Variants in PCDHA6 observed in about 807,000 individuals in gnomAD.
PCDHA6 encodes protocadherin alpha-6.
In PCDHA6, 55 loss-of-function variants were observed where a neutral mutation model predicts 60.3. The ratio of observed to expected loss-of-function variants is 0.91; its 90% confidence interval spans 0.73 to 1.14. The LOEUF (loss-of-function observed/expected upper bound fraction) is 1.14, where lower values mean the gene tolerates loss of function less well. Ranked by LOEUF, PCDHA6 falls within the 50% of genes most tolerant of loss-of-function variation. PCDHA6 has a pLI of 0.00. For synonymous variants in PCDHA6, 652 were observed against 557.9 expected, an observed-to-expected ratio of 1.17 and a Z score of -2.38; for missense variants, 1,327 against 1,256.5, an observed-to-expected ratio of 1.06 and a Z score of -0.85.
intron 1 of PCDHA6, among the ~76,000 whole-genome samples, chr5:140,837,617 C>A (rs1249058339): frequency 6.8e-6 from 1 of 146,230 alleles, no homozygotes; most frequent in Non-Finnish European, 1.5e-5. Flanking sequence ...TAATTTGCCC[C>A]TTCCTTCCTT....
chr5:140,941,202 C>CTTTCTTTCTTT (rs1554213921), intron 1 of PCDHA6, among the ~76,000 whole-genome samples: 2,980 of 122,772 alleles, frequency 0.024, 108 homozygotes, highest in East Asian at 0.062. Context: ...TTTCTTTCTT[C>CTTTCTTTCTTT]CTTTCTTTCT....
At position 140,849,758 on chromosome 5, in the gene PCDHA6, C is replaced by G. The variant is rs150560525; in HGVS notation, c.2394+19273C>G. ...TGGACCGCGAGAGTGTGTCCGCCTA[C>G]GAGCTGGTGGTTACCGCGCGGGACG... On this transcript the variant is annotated intron_variant, in intron 1 of 3. Transcript: ENST00000529310. 7 of 1,598,378 alleles carry G rather than the reference C, an allele frequency of 4.4e-6. No homozygotes were observed. In the African/African-American group the frequency reaches 5.4e-5, roughly 12 times the overall value.
intron 1 of PCDHA6, chr5:140,852,548 T>C: frequency 3.3e-6 from 2 of 614,864 alleles, no homozygotes; most frequent in South Asian, 7.0e-5. Context: ...AGTGCTGGGA[T>C]TAAAGCTGTG....
intron 1 of PCDHA6, among the ~76,000 whole-genome samples, chr5:140,975,572 C>T (rs1356117545): frequency 6.6e-6 from 1 of 152,202 alleles, no homozygotes; most frequent in African/African-American, 2.4e-5. Context: ...ATATTATATG[C>T]AGTCTCATGT....
chr5:140,929,166 C>A (rs782695019), intron 1 of PCDHA6: 1 of 1,614,146 alleles, frequency 6.2e-7, no homozygotes, highest in Admixed American at 1.7e-5. Context: ...TCTATCGGGC[C>A]TCTCTGGGAC....
chr5:140,886,972 A>G (rs2061245917), intron 1 of PCDHA6, among the ~76,000 whole-genome samples: 1 of 152,122 alleles, frequency 6.6e-6, no homozygotes, highest in South Asian at 2.1e-4. Context: ...GAAATTTATT[A>G]TTTTGTAAAT....
At chr5:140,924,902 A>AT (rs1563068435) in intron 1 of PCDHA6, among the ~76,000 whole-genome samples, 2 of 39,026 alleles carry the variant, frequency 5.1e-5, no homozygotes, top group Non-Finnish European at 1.3e-4. Context: ...CTCAAAAAAA[A>AT]AAATAAAATA....
Position 140,828,491 on chromosome 5 carries a change from C to G in PCDHA6, c.400C>G (p.Pro134Ala). The G allele has an allele frequency of 1.2e-6, 2 of 1,614,194 alleles. No individual in the cohort carries two copies. Among genetic ancestry groups the G allele is most frequent in the Non-Finnish European group, 1.7e-6 (2 of 1,180,038 alleles). Residue 134 changes from proline to alanine, a missense_variant, in exon 1 of 4, where the codon CCG becomes GCG. Transcript: ENST00000529310. The part of the protein sequence containing the change: ...RDINDNPPLF[P>A]VEEQRVLIYE... ...CATTAACGACAACCCGCCCTTGTTC[C>G]CGGTAGAGGAACAAAGAGTGCTGAT...
chr5:140,940,076 T>C (rs1469877434), intron 1 of PCDHA6, among the ~76,000 whole-genome samples: 2 of 152,230 alleles, frequency 1.3e-5, no homozygotes, highest in Non-Finnish European at 2.9e-5. Flanking sequence ...ATGTGATATC[T>C]TTCTGCTAAA....
intron 1 of PCDHA6, among the ~76,000 whole-genome samples, chr5:140,895,850 AC>A (rs2065202764): frequency 6.6e-6 from 1 of 152,110 alleles, no homozygotes; most frequent in Non-Finnish European, 1.5e-5. Context: ...TCACTCTTGT[AC>A]CCCAGGCTGG....
chr5:140,999,995 A>G (rs1174530266), intron 3 of PCDHA6, among the ~76,000 whole-genome samples: 1 of 152,068 alleles, frequency 6.6e-6, no homozygotes, highest in Non-Finnish European at 1.5e-5. Flanking sequence ...GGGTAGTGGT[A>G]TTAGATTGGC....
Position 140,917,790 on chromosome 5 carries a change from A to G in PCDHA6, c.2395-61159A>G, listed in dbSNP as rs540599117. The stretch of plus-strand genomic sequence containing the variant: ...GTATTAGTACCATGTTGTTTTGGTT[A>G]CTGTAGCCTTGCAGTATAGTTGAAG... On this transcript the variant is annotated intron_variant, in intron 1 of 3. Coordinates refer to ENST00000529310, the MANE Select transcript of PCDHA6 (RefSeq NM_018909.4). Among the ~76,000 whole-genome samples the G allele has an allele frequency of 4.6e-5, 7 of 152,046 alleles. No homozygotes were observed. In the East Asian group the frequency reaches 1.2e-3, roughly 25 times the overall value.
intron 1 of PCDHA6, among the ~76,000 whole-genome samples, chr5:140,921,524 T>C (rs2080251541): frequency 6.6e-6 from 1 of 152,164 alleles, no homozygotes; most frequent in South Asian, 2.1e-4. Flanking sequence ...GAAATAAAAA[T>C]CTGCTGATAG....
intron 3 of PCDHA6, among the ~76,000 whole-genome samples, chr5:140,986,987 G>A (rs1269328331): frequency 2.6e-5 from 4 of 152,114 alleles, no homozygotes; most frequent in Non-Finnish European, 4.4e-5. Flanking sequence ...GCCAAGGCAG[G>A]CAGATCACTT....
intron 1 of PCDHA6, chr5:140,857,699 C>G: frequency 6.3e-7 from 1 of 1,597,158 alleles, no homozygotes; most frequent in South Asian, 1.1e-5. Context: ...CTTGACGCTG[C>G]AGGTGTTCGT....
chr5:140,854,220 C>A, intron 1 of PCDHA6: 2 of 616,474 alleles, frequency 3.2e-6, no homozygotes, highest in Non-Finnish European at 4.0e-6. Context: ...TATTGGACAT[C>A]TACATTGGGA....
At chr5:140,961,888 T>C (rs1361187779) in intron 1 of PCDHA6, among the ~76,000 whole-genome samples, 8 of 124,918 alleles carry the variant, frequency 6.4e-5, no homozygotes, top group Non-Finnish European at 9.4e-5. Context: ...CTTACATCAG[T>C]TTTTTTTTTT....
At chr5:140,878,098 A>C in intron 1 of PCDHA6, 1 of 278,310 alleles carries the variant, frequency 3.6e-6, no homozygotes, top group Non-Finnish European at 6.4e-6. Flanking sequence ...TGACTGATGA[A>C]CCTTGAAAAA....
chr5:140,927,128 A>T (rs2083872958), intron 1 of PCDHA6: 2 of 1,613,878 alleles, frequency 1.2e-6, no homozygotes, highest in Non-Finnish European at 1.7e-6. Context: ...GTGGTCAGAG[A>T]GCCGGCGGAC....
Sources: allele counts gnomAD v4.1 joint callset (sites outside exome capture counted in the v4.1 genomes callset), GRCh38; gene constraint gnomAD v4.1.1; transcripts MANE v1.5; gene names NCBI Gene and HGNC (gene_info 2026-07-23, HGNC 2026-07-21).